Variants in CSMD1 observed in about 807,000 individuals in gnomAD.
CSMD1 encodes the protein CUB and Sushi multiple domains 1, also known as CUB and sushi domain-containing protein 1.
A neutral mutation model predicts 417.5 loss-of-function variants in CSMD1; 213 were observed. That is an observed-to-expected ratio of 0.51 (90% CI 0.46 to 0.57). The LOEUF (loss-of-function observed/expected upper bound fraction) is 0.57, where lower values mean the gene tolerates loss of function less well. Ranked by LOEUF, CSMD1 falls within the 20% of genes least tolerant of loss-of-function variation. The pLI is 0.00. For synonymous variants in CSMD1, 2,862 were observed against 1,736.8 expected (o/e 1.65, Z -16.11); for missense variants, 6,923 against 4,529.7 (o/e 1.53, Z -15.17).
At chr8:3,740,774 T>C (rs926048926) in intron 6 of CSMD1, among the ~76,000 whole-genome samples, 1 of 151,986 alleles carries the variant, frequency 6.6e-6, no homozygotes, top group Admixed American at 6.6e-5. Flanking sequence ...AAAAGTGAAA[T>C]GAAGAATCAC....
At chr8:3,755,809 T>A (rs1288445716) in intron 5 of CSMD1, among the ~76,000 whole-genome samples, 1 of 152,122 alleles carries the variant, frequency 6.6e-6, no homozygotes, top group Non-Finnish European at 1.5e-5. Context: ...TTTGAAATAA[T>A]CTTCTGTAAG....
chr8:3,959,037 C>T (rs1760936539), intron 5 of CSMD1, among the ~76,000 whole-genome samples: 1 of 152,196 alleles, frequency 6.6e-6, no homozygotes, highest in African/African-American at 2.4e-5. Context: ...CTCCATGCTC[C>T]TCCATACTTC....
intron 7 of CSMD1, among the ~76,000 whole-genome samples, chr8:3,649,476 G>A (rs1321877536): frequency 2.6e-5 from 4 of 152,138 alleles, no homozygotes; most frequent in African/African-American, 9.7e-5. Context: ...CATCATGGCT[G>A]GGGAGGCCTC....
chr8:4,883,125 A>T (rs759315700), intron 1 of CSMD1, among the ~76,000 whole-genome samples: 11 of 152,132 alleles, frequency 7.2e-5, no homozygotes, highest in Non-Finnish European at 1.3e-4. Context: ...GTGGAAAGGA[A>T]ATTTAAGAAT....
At chr8:4,622,562 G>C (rs893792355) in intron 2 of CSMD1, among the ~76,000 whole-genome samples, 1 of 152,106 alleles carries the variant, frequency 6.6e-6, no homozygotes, top group Non-Finnish European at 1.5e-5. Context: ...TTAACATAGT[G>C]GCAGCTGGCA....
intron 2 of CSMD1, among the ~76,000 whole-genome samples, chr8:4,477,416 A>C (rs1421649875): frequency 6.6e-6 from 1 of 152,228 alleles, no homozygotes; most frequent in Non-Finnish European, 1.5e-5. Context: ...GGTGCTGAGC[A>C]AAATTGGGGG....
intron 7 of CSMD1, among the ~76,000 whole-genome samples, chr8:3,643,666 A>G (rs1442141477): frequency 1.5e-5 from 2 of 133,698 alleles, no homozygotes; most frequent in Non-Finnish European, 3.1e-5. Flanking sequence ...GCGCCACTGC[A>G]CCCCAGCCTG....
At chr8:4,102,289 A>C (rs1801344965) in intron 3 of CSMD1, among the ~76,000 whole-genome samples, 1 of 152,210 alleles carries the variant, frequency 6.6e-6, no homozygotes, top group Admixed American at 6.5e-5. Context: ...GGAAGATCAG[A>C]GAAATCATGA....
chr8:4,992,970 C>T (rs556447119), intron 1 of CSMD1, among the ~76,000 whole-genome samples: 9 of 152,284 alleles, frequency 5.9e-5, no homozygotes, highest in African/African-American at 2.2e-4. Flanking sequence ...TCACGGAGCC[C>T]TGGACGCCCC....
At chr8:4,158,855 C>G (rs974947141) in intron 3 of CSMD1, among the ~76,000 whole-genome samples, 5 of 152,150 alleles carry the variant, frequency 3.3e-5, no homozygotes, top group African/African-American at 9.7e-5. Flanking sequence ...TTTTCAGAAT[C>G]TGAAATCTCA....
chr8:3,739,946 T>G (rs1796707986), intron 6 of CSMD1, among the ~76,000 whole-genome samples: 1 of 152,184 alleles, frequency 6.6e-6, no homozygotes, highest in Admixed American at 6.5e-5. Flanking sequence ...ACAGAGAAAC[T>G]AATGCCAGAG....
intron 1 of CSMD1, among the ~76,000 whole-genome samples, chr8:4,877,099 C>A (rs1260318344): frequency 6.6e-6 from 1 of 151,976 alleles, no homozygotes; most frequent in African/African-American, 2.4e-5. Context: ...TTATTGAATT[C>A]CATTTATAAA....
chr8:4,919,313 G>A (rs923678109), intron 1 of CSMD1, among the ~76,000 whole-genome samples: 4 of 152,274 alleles, frequency 2.6e-5, no homozygotes, highest in South Asian at 4.1e-4. Flanking sequence ...CGGGTTAGAT[G>A]TAAATGTTAA....
intron 1 of CSMD1, among the ~76,000 whole-genome samples, chr8:4,732,030 T>C (rs1227131064): frequency 6.6e-6 from 1 of 152,158 alleles, no homozygotes. Flanking sequence ...CAGTGTTGAC[T>C]GCATGCCTCC....
At chr8:4,091,549 C>A (rs970835187) in intron 3 of CSMD1, among the ~76,000 whole-genome samples, 1 of 152,152 alleles carries the variant, frequency 6.6e-6, no homozygotes, top group Non-Finnish European at 1.5e-5. Flanking sequence ...GCAATGCAAA[C>A]GTGGCCACCG....
At chr8:3,685,115 C>T (rs118066150) in intron 7 of CSMD1, among the ~76,000 whole-genome samples, 4,941 of 152,180 alleles carry the variant, frequency 0.032, 124 homozygotes, top group Middle Eastern at 0.044. Context: ...ATAGAAAATG[C>T]ATGGCTGGAT....
chr8:3,820,986 G>C (rs142999971), intron 5 of CSMD1, among the ~76,000 whole-genome samples: 356 of 151,992 alleles, frequency 2.3e-3, no homozygotes, highest in African/African-American at 8.3e-3. Context: ...GTGCAAACTC[G>C]GTTCACTGCA....
intron 4 of CSMD1, among the ~76,000 whole-genome samples, chr8:4,025,159 C>T (rs1796996714): frequency 1.3e-5 from 2 of 152,214 alleles, no homozygotes; most frequent in African/African-American, 4.8e-5. Context: ...TGGATGTGAG[C>T]TCCTGTGAAG....
chr8:3,252,246 G>T (rs1023608661), intron 26 of CSMD1, among the ~76,000 whole-genome samples: 3 of 152,092 alleles, frequency 2.0e-5, no homozygotes, highest in African/African-American at 7.2e-5. Context: ...ATCAATACCT[G>T]ATTTATTGAG....
Sources: allele counts gnomAD v4.1 joint callset (sites outside exome capture counted in the v4.1 genomes callset), GRCh38; gene constraint gnomAD v4.1.1; transcripts MANE v1.5; gene names NCBI Gene and HGNC (gene_info 2026-07-23, HGNC 2026-07-21).